The following CSMD2 variants were observed in gnomAD, a reference collection of about 807,000 sequenced individuals.
The protein encoded by CSMD2 is CUB and Sushi multiple domains 2, also known as CUB and sushi domain-containing protein 2.
In CSMD2, 130 loss-of-function variants were observed where a neutral mutation model predicts 398.5. That is an observed-to-expected ratio of 0.33 (90% CI 0.28 to 0.38). The LOEUF is 0.38. CSMD2 is among the 10% of genes least tolerant of loss of function. CSMD2 has a pLI of 1.00. For missense variants in CSMD2, 3,829 were observed against 4,764.9 expected (o/e 0.80, Z 5.78); for synonymous variants, 1,828 against 1,908.5 (o/e 0.96, Z 1.10).
intron 9 of CSMD2, among the ~76,000 whole-genome samples, chr1:33,816,788 G>A (rs1438616738): frequency 2.0e-5 from 3 of 152,156 alleles, no homozygotes; most frequent in African/African-American, 7.2e-5. Context: ...GTCCCATATT[G>A]TTCATTCATT....
rs531440301 is a variant in CSMD2 at position 33,666,599 on chromosome 1, T to G, written c.4053-3507A>C. ...ACTTTCGGTCACTAGTTAGTACTAT[T>G]AGAAACCAACAGAATCTCTTGGATT... On this transcript the variant is annotated intron_variant, in intron 25 of 70. Coordinates refer to ENST00000373381, the MANE Select transcript of CSMD2 (RefSeq NM_001281956.2). 3.3e-5 allele frequency among the ~76,000 whole-genome samples: 5 copies of G among 152,122 alleles called. No individual in the cohort carries two copies. The South Asian group carries it at 1.0e-3, about 32-fold the overall frequency.
intron 1 of CSMD2, among the ~76,000 whole-genome samples, chr1:34,115,183 T>C (rs1242587747): frequency 6.6e-6 from 1 of 151,992 alleles, no homozygotes; most frequent in African/African-American, 2.4e-5. Context: ...AGAAAGCTTA[T>C]TTGAAAAAAA....
intron 27 of CSMD2, 46 bp from the exon 28 acceptor site, chr1:33,652,507 G>A (rs1643815884): frequency 8.1e-6 from 13 of 1,603,756 alleles, no homozygotes; most frequent in Middle Eastern, 1.8e-4. Context: ...TTCACCCTGG[G>A]CTCATTTTCA....
At chr1:33,816,103 G>C (rs1657434762) in intron 9 of CSMD2, among the ~76,000 whole-genome samples, 3 of 152,142 alleles carry the variant, frequency 2.0e-5, no homozygotes, top group Admixed American at 1.3e-4. Flanking sequence ...TAGTGTTTCA[G>C]TGATTTTCCC....
Position 33,518,930 on chromosome 1 carries a change from G to A in CSMD2, c.*53+535C>T, listed in dbSNP as rs1654000466. Among the ~76,000 whole-genome samples, 3 of 152,082 alleles carry A rather than the reference G, an allele frequency of 2.0e-5. No individual in the cohort carries two copies. The highest frequency in any genetic ancestry group is 2.9e-5 in the Non-Finnish European group (2 of 68,018). ...GGATATATCTTGATATGGGGTATATGTATTGCGTTTATAGTGTATGAATGT... is the reference window on the plus strand; with the variant it reads ...GGATATATCTTGATATGGGGTATATATATTGCGTTTATAGTGTATGAATGT... On this transcript the variant is annotated intron_variant, in intron 70 of 70. Coordinates refer to ENST00000373381, the MANE Select transcript of CSMD2 (RefSeq NM_001281956.2). This position sits in a 1 kb window ranked among gnomAD's most constrained non-coding sequence, Gnocchi z 4.3.
chr1:34,068,926 C>T (rs570218072), intron 2 of CSMD2, among the ~76,000 whole-genome samples: 11 of 152,334 alleles, frequency 7.2e-5, no homozygotes, highest in South Asian at 4.1e-4. Context: ...TATTGTGAGG[C>T]CTCCTCAGCC....
intron 7 of CSMD2, among the ~76,000 whole-genome samples, chr1:33,824,989 T>A (rs1438012450): frequency 6.6e-6 from 1 of 152,086 alleles, no homozygotes; most frequent in African/African-American, 2.4e-5. Flanking sequence ...CCCCAGCCCT[T>A]CCTGGGCTTC....
At chr1:34,143,715 G>A (rs762897473) in intron 1 of CSMD2, among the ~76,000 whole-genome samples, 2 of 152,046 alleles carry the variant, frequency 1.3e-5, no homozygotes, top group Non-Finnish European at 2.9e-5. Flanking sequence ...AAGGAAGGAG[G>A]GGAAAAGTCT....
intron 32 of CSMD2, among the ~76,000 whole-genome samples, chr1:33,632,316 C>T (rs543400530): frequency 1.3e-5 from 2 of 151,714 alleles, no homozygotes; most frequent in East Asian, 1.9e-4. Flanking sequence ...ATTAAAGCAC[C>T]CTGAAGAAAA....
At chr1:33,592,169 G>T in intron 44 of CSMD2, 1 of 522,784 alleles carries the variant, frequency 1.9e-6, no homozygotes, top group East Asian at 3.4e-5. Context: ...AGAGGACGAG[G>T]AACTGAAGGG....
intron 42 of CSMD2, among the ~76,000 whole-genome samples, chr1:33,603,260 A>G (rs1298663925): frequency 1.3e-5 from 2 of 152,166 alleles, no homozygotes; most frequent in Non-Finnish European, 2.9e-5. Context: ...CTGTTCCCCA[A>G]AAGCAATACT....
At chr1:34,025,592 A>T (rs113387474) in intron 3 of CSMD2, among the ~76,000 whole-genome samples, 1 of 152,130 alleles carries the variant, frequency 6.6e-6, no homozygotes, top group East Asian at 1.9e-4. Context: ...ACATGCATGT[A>T]TGTGTGTGTG....
At chr1:33,649,927 C>A (rs933181826) in intron 28 of CSMD2, among the ~76,000 whole-genome samples, 2 of 152,184 alleles carry the variant, frequency 1.3e-5, no homozygotes, top group African/African-American at 2.4e-5. Flanking sequence ...GAGCCAGATG[C>A]GCACTGGCCT....
chr1:33,519,696 G>A lies in CSMD2; in HGVS notation c.10737-19C>T. 6.2e-7 allele frequency: 1 copy of A among 1,614,066 alleles called. No individual in the cohort carries two copies. Among genetic ancestry groups the A allele is most frequent in the Non-Finnish European group, 8.5e-7 (1 of 1,179,988 alleles). ...TCTTCTCCTGGCGATAAAAGAGGAA[G>A]TGCCCACGGCATGAAAAGAGCGACA... On this transcript the variant is annotated intron_variant, in intron 69 of 70. Coordinates refer to ENST00000373381, the MANE Select transcript of CSMD2 (RefSeq NM_001281956.2). The surrounding 1 kb of genome is among the most constrained non-coding windows in gnomAD (Gnocchi z 5.6).
At chr1:34,065,667 G>A (rs1212023977) in intron 2 of CSMD2, among the ~76,000 whole-genome samples, 2 of 152,162 alleles carry the variant, frequency 1.3e-5, no homozygotes, top group Admixed American at 1.3e-4. Context: ...TTATGGAAAT[G>A]TTGTAAGCAA....
chr1:33,936,995 C>T (rs1200937436), intron 3 of CSMD2, among the ~76,000 whole-genome samples: 1 of 152,200 alleles, frequency 6.6e-6, no homozygotes, highest in African/African-American at 2.4e-5. Flanking sequence ...GTTCACTTCC[C>T]AGCCTGAAAT....
chr1:33,760,448 C>T (rs1488430237), intron 13 of CSMD2, among the ~76,000 whole-genome samples: 3 of 152,180 alleles, frequency 2.0e-5, no homozygotes, highest in Non-Finnish European at 4.4e-5. Flanking sequence ...CAGCTTTTAC[C>T]TTGAAAACAG....
chr1:33,907,904 T>C (rs939629115), intron 5 of CSMD2, among the ~76,000 whole-genome samples: 12 of 151,794 alleles, frequency 7.9e-5, no homozygotes, highest in African/African-American at 2.4e-4. Flanking sequence ...CTGACCAATA[T>C]GGTGAAACAC....
chr1:33,532,209 T>TGG (rs1034097110), intron 64 of CSMD2, among the ~76,000 whole-genome samples: 6 of 152,184 alleles, frequency 3.9e-5, no homozygotes, highest in Non-Finnish European at 7.4e-5. Flanking sequence ...CTTTCTCAGC[T>TGG]GGGGACCTTG....
Sources: allele counts gnomAD v4.1 joint callset (sites outside exome capture counted in the v4.1 genomes callset), GRCh38; gene constraint gnomAD v4.1.1; non-coding constraint Gnocchi (gnomAD v3.1); transcripts MANE v1.5; gene names NCBI Gene and HGNC (gene_info 2026-07-23, HGNC 2026-07-21).